The following PHLPP2 variants were observed in gnomAD, a reference collection of about 807,000 sequenced individuals.
The protein encoded by PHLPP2 is PH domain leucine-rich repeat-containing protein phosphatase 2.
Under a neutral mutation model 124.9 loss-of-function variants are expected in PHLPP2, and 66 were observed. That is an observed-to-expected ratio of 0.53 (90% confidence interval 0.43 to 0.65). The LOEUF is 0.65. Ranked by LOEUF, PHLPP2 falls within the 30% of genes least tolerant of loss-of-function variation. The pLI is 0.00. For missense variants in PHLPP2, 1,685 were observed against 1,600.4 expected (o/e 1.05, Z -0.90); for synonymous variants, 681 against 624.7 (o/e 1.09, Z -1.34).
chr16:71,679,081 T>G lies in PHLPP2; in HGVS notation c.1038-96A>C, dbSNP rs926015326. Reference sequence around the variant, plus strand: ...GATTCTGATTTATGTCACTAATTTATTATCAATCCCAAAATAGTAAAGTGT... The same window carrying G: ...GATTCTGATTTATGTCACTAATTTAGTATCAATCCCAAAATAGTAAAGTGT... On this transcript the variant is annotated intron_variant, in intron 7 of 18. Coordinates refer to ENST00000568954, the MANE Select transcript of PHLPP2 (RefSeq NM_015020.3). 4 of 709,528 alleles carry G rather than the reference T, an allele frequency of 5.6e-6. No homozygotes were observed. In the African/African-American group the frequency reaches 7.1e-5, roughly 13 times the overall value. The allele number at this position is 709,528 out of a possible 1,614,324, so 44.0% of individuals were successfully genotyped here.
chr16:71,684,603 TGAA>T lies in PHLPP2; in HGVS notation c.610-5_610-3del. The T allele has an allele frequency of 1.2e-6, 2 of 1,605,386 alleles. No individual in the cohort carries two copies. The highest frequency in any genetic ancestry group is 4.5e-5 in the East Asian group (2 of 44,822). On this transcript the variant is annotated splice_region_variant and splice_polypyrimidine_tract_variant and intron_variant, in intron 4 of 18. Transcript: ENST00000568954. The stretch of plus-strand genomic sequence containing the variant: ...TTGCCGTCGCTTCACTTCTTCTATC[TGAA>T]GAAGAGGAGGGGAGAAAACCAGAAC...
At chr16:71,721,142 A>C (rs1158408701) in intron 1 of PHLPP2, among the ~76,000 whole-genome samples, 1 of 151,674 alleles carries the variant, frequency 6.6e-6, no homozygotes, top group Non-Finnish European at 1.5e-5. Context: ...AGGCCAGCCT[A>C]GGCAACAAGG....
chr16:71,664,937 AG>A (rs1005882429), intron 12 of PHLPP2, among the ~76,000 whole-genome samples: 3 of 152,226 alleles, frequency 2.0e-5, no homozygotes, highest in Non-Finnish European at 4.4e-5. Context: ...TCCTAAAAAC[AG>A]AATTTGTGGG....
chr16:71,653,015 T>C lies in PHLPP2; in HGVS notation c.2592A>G (p.Leu864=). The C allele has an allele frequency of 6.2e-7, 1 of 1,609,610 alleles. No homozygotes were observed. The change falls in exon 18 of 19, where the codon TTA becomes TTG. Residue 864 remains leucine (L), a synonymous_variant. Coordinates refer to ENST00000568954, the MANE Select transcript of PHLPP2 (RefSeq NM_015020.3). The stretch of plus-strand genomic sequence containing the variant: ...AGCCCAACTTCTGGCCAGCCATTCC[T>C]AATTTCCTGTTCAGAAAGAAAAGGA... ...ANTFLVSHRK[L]GMAGQKLGSS...
Position 71,647,674 on chromosome 16 carries a change from A to G in PHLPP2, c.*1216T>C. Reference sequence around the variant, plus strand: ...CTGCCAATTCCTCCACATGCTAGGGAAAGACGCCAATCCCTAAATTTCCCT... The same window carrying G: ...CTGCCAATTCCTCCACATGCTAGGGGAAGACGCCAATCCCTAAATTTCCCT... On this transcript the variant is annotated 3_prime_UTR_variant, in exon 19 of 19. Coordinates refer to ENST00000568954, the MANE Select transcript of PHLPP2 (RefSeq NM_015020.3). 6.6e-6 allele frequency: 1 copy of G among 152,220 alleles called. No individual in the cohort carries two copies. Among genetic ancestry groups the G allele is most frequent in the East Asian group, 1.9e-4 (1 of 5,194 alleles). 9.4% of individuals were successfully genotyped at this position (152,220 alleles called of 1,614,324 possible).
At chr16:71,662,467 G>A (rs1282718103) in intron 13 of PHLPP2, among the ~76,000 whole-genome samples, 1 of 151,664 alleles carries the variant, frequency 6.6e-6, no homozygotes, top group Non-Finnish European at 1.5e-5. Context: ...GTATGGTGGT[G>A]CATGCCTGTA....
chr16:71,655,091 T>C, intron 17 of PHLPP2, 149 bp downstream of exon 17: 1 of 615,072 alleles, frequency 1.6e-6, no homozygotes, highest in Non-Finnish European at 2.9e-6. Context: ...CCGCACTCCA[T>C]GCTCATATAG....
chr16:71,679,173 A>G (rs1396722201), intron 7 of PHLPP2, among the ~76,000 whole-genome samples, 188 bp from the exon 8 acceptor site: 2 of 152,226 alleles, frequency 1.3e-5, no homozygotes, highest in Non-Finnish European at 2.9e-5. Flanking sequence ...GGTCCCTCCA[A>G]CATTAAAAGA....
In PHLPP2 at chr16:71,648,896, T is replaced by C; in HGVS notation, c.3966A>G (p.Ala1322=). Residue 1322 remains alanine, a synonymous_variant, in exon 19 of 19, where the codon GCA becomes GCG. Coordinates refer to ENST00000568954, the MANE Select transcript of PHLPP2 (RefSeq NM_015020.3). ...RTEPPEEFDT[A]L is the part of the protein sequence containing the mutation. ...ACTGTGCCCAGTGGGGCAGTCATAG[T>C]GCTGTGTCGAACTCCTCCGGGGGCT... 1 of 1,611,370 alleles carries C rather than the reference T, an allele frequency of 6.2e-7. No individual in the cohort carries two copies. The highest frequency in any genetic ancestry group is 8.5e-7 in the Non-Finnish European group (1 of 1,179,194).
intron 4 of PHLPP2, among the ~76,000 whole-genome samples, chr16:71,688,655 A>G (rs2045077501): frequency 8.0e-6 from 1 of 124,388 alleles, no homozygotes; most frequent in Non-Finnish European, 1.6e-5. Flanking sequence ...TTTACATTTC[A>G]GGTTCATTTG....
At position 71,649,025 on chromosome 16, in the gene PHLPP2, G is replaced by T. The variant is rs1475728321; in HGVS notation, c.3837C>A (p.Asp1279Glu). 1 of 1,614,096 alleles carries T rather than the reference G, an allele frequency of 6.2e-7. No homozygotes were observed. The highest frequency in any genetic ancestry group is 2.2e-5 in the East Asian group (1 of 44,872). The change falls in exon 19 of 19, where the codon GAC (aspartate) becomes GAA (glutamate). Residue 1279 changes from aspartate to glutamate, a missense_variant. By Grantham distance (45) the Asp-to-Glu change is conservative. Coordinates refer to ENST00000568954, the MANE Select transcript of PHLPP2 (RefSeq NM_015020.3). ...CCAGGTCATGAGGCACAACAAACTG[G>T]TCCTCTGGTTCCATCTGAGTGGGGG... ...FAAPTQMEPE[D>E]QFVVPHDLEE...
intron 3 of PHLPP2, among the ~76,000 whole-genome samples, chr16:71,691,866 C>T (rs533946152): frequency 1.1e-4 from 17 of 152,020 alleles, no homozygotes; most frequent in African/African-American, 2.9e-4. Context: ...GAGGCTGAGG[C>T]AGGAAGACTG....
intron 13 of PHLPP2, among the ~76,000 whole-genome samples, chr16:71,662,701 C>T (rs2044802444): frequency 6.6e-6 from 1 of 152,102 alleles, no homozygotes. Flanking sequence ...TGACTACCTT[C>T]ATGGCATAGA....
rs1313987459 is a variant in PHLPP2, at chr16:71,647,310, A to C, written c.*1580T>G. ...TGCTAGGGTTATGTGGAATGTGCAA[A>C]GAGTATAGGTTTTCTGTAAGCTTAA... On this transcript the variant is annotated 3_prime_UTR_variant, in exon 19 of 19. Transcript: ENST00000568954. 2 of 151,488 alleles carry C rather than the reference A, an allele frequency of 1.3e-5. No individual in the cohort carries two copies. Among genetic ancestry groups the C allele is most frequent in the Admixed American group, 1.3e-4 (2 of 15,198 alleles). 9.4% of individuals were successfully genotyped at this position (151,488 alleles called of 1,614,324 possible). A position where few individuals can be genotyped will look rare whatever the true frequency, so the allele number is the denominator to read the frequency against.
intron 11 of PHLPP2, among the ~76,000 whole-genome samples, chr16:71,668,140 G>A (rs188581155): frequency 2.0e-5 from 3 of 151,618 alleles, no homozygotes; most frequent in Non-Finnish European, 4.4e-5. Flanking sequence ...GGCCGGGGGT[G>A]GTGGCTCATG....
At position 71,684,565 on chromosome 16, in the gene PHLPP2, A is replaced by G; in HGVS notation, c.646T>C (p.Phe216Leu). Residue 216 changes from phenylalanine (F) to leucine (L), a missense_variant, in exon 5 of 19, where the codon TTC becomes CTC. Physicochemically the swap from Phe to Leu is conservative, Grantham distance 22. Coordinates refer to ENST00000568954, the MANE Select transcript of PHLPP2 (RefSeq NM_015020.3). ...TGAGCTTGGGCTCCTGCTGAGCTGA[A>G]AGCAAGGGAGTATTGCCGTCGCTTC... ...EVKRRQYSLA[F>L]SSAGAQAQTY... 1 of 1,613,944 alleles carries G rather than the reference A, an allele frequency of 6.2e-7. No individual in the cohort carries two copies. The highest frequency in any genetic ancestry group is 8.5e-7 in the Non-Finnish European group (1 of 1,179,906).
chr16:71,655,571 T>G, intron 16 of PHLPP2, 137 bp from the exon 17 acceptor site: 1 of 605,882 alleles, frequency 1.7e-6, no homozygotes, highest in South Asian at 2.2e-5. Flanking sequence ...GGCATGATCT[T>G]GCCTCACTGC....
chr16:71,708,007 GAGC>G (rs1433404092), intron 2 of PHLPP2, among the ~76,000 whole-genome samples: 3 of 152,078 alleles, frequency 2.0e-5, no homozygotes, highest in Non-Finnish European at 4.4e-5. Flanking sequence ...CCTGTAATAC[GAGC>G]ACTTTGGGAA....
intron 5 of PHLPP2, among the ~76,000 whole-genome samples, chr16:71,682,556 G>C (rs1454656301): frequency 1.3e-5 from 2 of 152,086 alleles, no homozygotes; most frequent in Non-Finnish European, 2.9e-5. Context: ...GAAAAGACAT[G>C]GCCTTCTGTA....
Sources: allele counts gnomAD v4.1 joint callset (sites outside exome capture counted in the v4.1 genomes callset), GRCh38; gene constraint gnomAD v4.1.1; transcripts MANE v1.5; gene names NCBI Gene and HGNC (gene_info 2026-07-23, HGNC 2026-07-21).